The following ATG5 variants were observed in gnomAD, a reference collection of about 807,000 sequenced individuals.
ATG5 encodes autophagy related 5, also known as autophagy protein 5.
Under a neutral mutation model 36.5 loss-of-function variants are expected in ATG5, and 14 were observed. The observed-to-expected ratio is 0.38, with a 90% CI of 0.25 to 0.60. The LOEUF (loss-of-function observed/expected upper bound fraction) is 0.60. Among genes scored for constraint, ATG5 ranks in the 20% least tolerant of loss-of-function variants. The pLI, the probability that ATG5 is intolerant of heterozygous loss-of-function variation, is 0.60. For missense variants in ATG5, 195 were observed against 326.7 expected (o/e 0.60, Z 3.11); for synonymous variants, 95 against 101.5 (o/e 0.94, Z 0.38).
intron 3 of ATG5, among the ~76,000 whole-genome samples, chr6:106,303,390 C>CTA (rs987138257): frequency 2.6e-5 from 4 of 152,062 alleles, no homozygotes; most frequent in Admixed American, 2.6e-4. Context: ...CTGAGTAGAT[C>CTA]TATATATATC....
At chr6:106,300,369 G>A (rs997264066) in intron 3 of ATG5, among the ~76,000 whole-genome samples, 6 of 152,108 alleles carry the variant, frequency 3.9e-5, no homozygotes, top group Non-Finnish European at 5.9e-5. Flanking sequence ...AATGTTAAAT[G>A]TTTTTTAAAA....
chr6:106,220,146 T>C (rs980415663), intron 6 of ATG5, among the ~76,000 whole-genome samples: 2 of 152,202 alleles, frequency 1.3e-5, no homozygotes, highest in Non-Finnish European at 2.9e-5. Context: ...ATTATATTTC[T>C]AAGCTGAGAA....
intron 6 of ATG5, chr6:106,217,377 C>T (rs1448207695): frequency 2.6e-5 from 4 of 152,110 alleles, no homozygotes; most frequent in Non-Finnish European, 5.9e-5. Context: ...TACTAAAATA[C>T]ATAATTTCAT....
intron 4 of ATG5, among the ~76,000 whole-genome samples, chr6:106,288,811 A>T (rs1780187085): frequency 6.6e-6 from 1 of 152,210 alleles, no homozygotes; most frequent in Non-Finnish European, 1.5e-5. Context: ...CATTTATTAT[A>T]AACATTATAA....
intron 3 of ATG5, among the ~76,000 whole-genome samples, chr6:106,297,771 T>C (rs540238624): frequency 5.0e-4 from 72 of 144,798 alleles, no homozygotes; most frequent in African/African-American, 1.7e-3. Context: ...CACACATATA[T>C]ATTTTAAAGT....
At chr6:106,258,618 A>G (rs936718185) in intron 5 of ATG5, among the ~76,000 whole-genome samples, 1 of 152,258 alleles carries the variant, frequency 6.6e-6, no homozygotes, top group Non-Finnish European at 1.5e-5. Context: ...AAGCAGCTAC[A>G]TGACATGCCC....
intron 5 of ATG5, among the ~76,000 whole-genome samples, chr6:106,272,470 A>G (rs114495299): frequency 0.013 from 2,053 of 152,272 alleles, 43 homozygotes; most frequent in African/African-American, 0.047. Flanking sequence ...AGTTCTCAGA[A>G]CTTAGTAGGC....
At chr6:106,298,139 A>G (rs1397088990) in intron 3 of ATG5, among the ~76,000 whole-genome samples, 1 of 151,582 alleles carries the variant, frequency 6.6e-6, no homozygotes, top group Non-Finnish European at 1.5e-5. Context: ...TAATGTTTGT[A>G]TTTTTAGTAG....
intron 6 of ATG5, among the ~76,000 whole-genome samples, chr6:106,211,131 CACTG>C (rs2114392185): frequency 6.6e-6 from 1 of 152,248 alleles, no homozygotes; most frequent in East Asian, 1.9e-4. Context: ...ATATCTGGCT[CACTG>C]ACTGTGGAGT....
At chr6:106,295,863 C>T (rs762020325) in intron 3 of ATG5, among the ~76,000 whole-genome samples, 4 of 151,972 alleles carry the variant, frequency 2.6e-5, no homozygotes, top group Non-Finnish European at 5.9e-5. Flanking sequence ...TATGTCCAGC[C>T]CAAATAACTC....
At chr6:106,301,049 A>G (rs907098468) in intron 3 of ATG5, among the ~76,000 whole-genome samples, 1 of 152,110 alleles carries the variant, frequency 6.6e-6, no homozygotes, top group African/African-American at 2.4e-5. Context: ...GTCTCTTAAC[A>G]TAATTCTAAT....
chr6:106,316,063 A>C (rs1349183380), intron 2 of ATG5, 38 bp downstream of exon 2: 1 of 1,511,370 alleles, frequency 6.6e-7, no homozygotes, highest in Non-Finnish European at 9.1e-7. Context: ...AAAATGGACA[A>C]GGTTAAATAT....
chr6:106,270,975 C>T (rs1186442047), intron 5 of ATG5, among the ~76,000 whole-genome samples: 1 of 152,196 alleles, frequency 6.6e-6, no homozygotes, highest in Non-Finnish European at 1.5e-5. Flanking sequence ...CCCTAAATAT[C>T]ACCATATTCT....
chr6:106,298,811 T>C (rs1048596931), intron 3 of ATG5, among the ~76,000 whole-genome samples: 3 of 152,244 alleles, frequency 2.0e-5, no homozygotes, highest in African/African-American at 7.2e-5. Flanking sequence ...AGATTGCTTA[T>C]TTCTAATGAA....
At chr6:106,242,781 A>C (rs1395586024) in intron 6 of ATG5, among the ~76,000 whole-genome samples, 1 of 152,216 alleles carries the variant, frequency 6.6e-6, no homozygotes, top group Non-Finnish European at 1.5e-5. Flanking sequence ...AATAATATTC[A>C]GTTTACTAAC....
intron 6 of ATG5, among the ~76,000 whole-genome samples, chr6:106,228,774 T>G (rs1196396122): frequency 6.6e-6 from 1 of 152,080 alleles, no homozygotes; most frequent in Non-Finnish European, 1.5e-5. Context: ...TGTCGGCCGG[T>G]TAAAAACGAT....
chr6:106,216,571 G>A (rs2114410896), intron 6 of ATG5, among the ~76,000 whole-genome samples: 1 of 152,308 alleles, frequency 6.6e-6, no homozygotes, highest in East Asian at 1.9e-4. Flanking sequence ...GCCAAGGGCT[G>A]GAGGGAGGGG....
intron 3 of ATG5, among the ~76,000 whole-genome samples, chr6:106,296,737 G>A (rs188549416): frequency 6.6e-6 from 1 of 152,208 alleles, no homozygotes; most frequent in African/African-American, 2.4e-5. Context: ...TGAATTACTT[G>A]AACCTGGGAG....
At chr6:106,237,710 C>T (rs1428468219) in intron 6 of ATG5, among the ~76,000 whole-genome samples, 1 of 152,124 alleles carries the variant, frequency 6.6e-6, no homozygotes, top group Non-Finnish European at 1.5e-5. Context: ...AAAATCCAGT[C>T]CCGAATTCCA....
Sources: allele counts gnomAD v4.1 joint callset (sites outside exome capture counted in the v4.1 genomes callset), GRCh38; gene constraint gnomAD v4.1.1; transcripts MANE v1.5; gene names NCBI Gene and HGNC (gene_info 2026-07-23, HGNC 2026-07-21).